Variants in CHPT1 observed in about 807,000 individuals in gnomAD.
CHPT1 encodes cholinephosphotransferase 1.
In CHPT1, 36 loss-of-function variants were observed where a neutral mutation model predicts 47.6. That is an observed-to-expected ratio of 0.76 (90% confidence interval 0.58 to 1.00). The LOEUF is 1.00. Among genes scored for constraint, CHPT1 ranks in the 50% least tolerant of loss-of-function variants. The pLI is 0.00. For missense variants in CHPT1, 458 were observed against 498.1 expected (o/e 0.92, Z 0.77); for synonymous variants, 194 against 186.3 (o/e 1.04, Z -0.33).
chr12:101,728,917 CAA>C lies in CHPT1; in HGVS notation c.1195_1196del (p.Lys399GlufsTer5). The C allele has an allele frequency of 1.2e-6, 2 of 1,613,424 alleles. No homozygotes were observed. Among genetic ancestry groups the C allele is most frequent in the Non-Finnish European group, 8.5e-7 (1 of 1,179,658 alleles). ...ATTACTTAGGTTCAAGTTCTTTCTT[CAA>C]AGAGTCATCAGAATAACATGGATTG... On this transcript the variant is annotated frameshift_variant, in exon 9 of 9. Coordinates refer to ENST00000229266, the MANE Select transcript of CHPT1 (RefSeq NM_020244.3). LOFTEE classifies it high-confidence loss of function.
chr12:101,716,907 G>T (rs924129742), intron 4 of CHPT1, 95 bp downstream of exon 4: 38 of 703,336 alleles, frequency 5.4e-5, no homozygotes, highest in South Asian at 9.7e-5. Flanking sequence ...CCTTGGCATT[G>T]TATTTAATTT....
intron 4 of CHPT1, chr12:101,719,634 GATGC>G: frequency 1.8e-6 from 1 of 555,420 alleles, no homozygotes. Context: ...CCTTTCCTGT[GATGC>G]TACTTTTTAG....
Position 101,723,726 on chromosome 12 carries a change from C to A in CHPT1, c.944C>A (p.Ala315Asp). ...TTTTGTTTAATTTTTTTATAGGTAG[C>A]TCACATGACCAAAAGTGAACTATAT... is the stretch of plus-strand genomic sequence containing the variant. ...FAKVSQKLVV[A>D]HMTKSELYLQ... Residue 315 changes from alanine to aspartate, a missense_variant, in exon 7 of 9, where the codon GCT (alanine) becomes GAT (aspartate). Physicochemically the swap from Ala to Asp is moderately radical, Grantham distance 126. Transcript: ENST00000229266. The A allele has an allele frequency of 6.5e-7, 1 of 1,541,614 alleles. No homozygotes were observed. Among genetic ancestry groups the A allele is most frequent in the Non-Finnish European group, 8.8e-7 (1 of 1,142,546 alleles).
chr12:101,702,719 T>A (rs1171848101), intron 1 of CHPT1, among the ~76,000 whole-genome samples: 1 of 152,108 alleles, frequency 6.6e-6, no homozygotes, highest in Non-Finnish European at 1.5e-5. Context: ...CCACTTTTTT[T>A]AAACCAGCTC....
At chr12:101,715,417 G>C (rs1431624499) in intron 3 of CHPT1, among the ~76,000 whole-genome samples, 1 of 152,086 alleles carries the variant, frequency 6.6e-6, no homozygotes, top group East Asian at 1.9e-4. Flanking sequence ...TTAAAACTAT[G>C]GATCATTTAG....
intron 3 of CHPT1, chr12:101,714,891 T>A: frequency 3.1e-6 from 1 of 320,724 alleles, no homozygotes. Flanking sequence ...TAGCCCAAGT[T>A]TACAATAGAG....
chr12:101,723,853 T>C lies in CHPT1; in HGVS notation c.1065+6T>C, dbSNP rs752828705. On this transcript the variant is annotated splice_donor_region_variant and intron_variant, in intron 7 of 8. Coordinates refer to ENST00000229266, the MANE Select transcript of CHPT1 (RefSeq NM_020244.3). ...TTGTTCTATGGATGGCAATGGTAAG[T>C]ATTTTTCTCCATTTTATTTATTTTT... 2 of 1,492,276 alleles carry C rather than the reference T, an allele frequency of 1.3e-6. No individual in the cohort carries two copies. The highest frequency in any genetic ancestry group is 2.3e-5 in the East Asian group (1 of 43,864). 92.4% of individuals were successfully genotyped at this position (1,492,276 alleles called of 1,614,324 possible).
At chr12:101,728,694 T>A (rs1254396279) in intron 8 of CHPT1, 1 of 543,872 alleles carries the variant, frequency 1.8e-6, no homozygotes, top group Admixed American at 3.5e-5. Flanking sequence ...GAGAGAAAAA[T>A]TCACTATCAT....
chr12:101,724,623 A>G (rs555474658), intron 7 of CHPT1, among the ~76,000 whole-genome samples: 2 of 152,316 alleles, frequency 1.3e-5, no homozygotes, highest in South Asian at 4.1e-4. Flanking sequence ...ATTTTATGCT[A>G]GATGTAAGGA....
intron 8 of CHPT1, chr12:101,727,150 G>T (rs1951967285): frequency 2.0e-5 from 3 of 151,748 alleles, no homozygotes; most frequent in African/African-American, 7.3e-5. Flanking sequence ...AATGAAAACA[G>T]TAGCTAAGAG....
Position 101,720,210 on chromosome 12 carries a change from G to A in CHPT1, c.736G>A (p.Val246Ile). The A allele has an allele frequency of 6.2e-7, 1 of 1,604,412 alleles. No individual in the cohort carries two copies. Among genetic ancestry groups the A allele is most frequent in the Non-Finnish European group, 8.5e-7 (1 of 1,175,612 alleles). Reference sequence around the variant, plus strand: ...ATTTTCCTGTTCAAATTATTTCCATGTTATCCTCCATGGTGGTGTTGGCAA... The same window carrying A: ...ATTTTCCTGTTCAAATTATTTCCATATTATCCTCCATGGTGGTGTTGGCAA... The part of the protein sequence containing the change: ...VIFSCSNYFH[V>I]ILHGGVGKNG... The change falls in exon 5 of 9, where the codon GTT becomes ATT. Residue 246 changes from valine (V) to isoleucine (I), a missense_variant. Transcript: ENST00000229266.
rs1566043065 is a variant in CHPT1 at position 101,722,721 on chromosome 12, AAAAAAG to A, written c.781-442_781-437del. 4.6e-5 allele frequency among the ~76,000 whole-genome samples: 7 copies of A among 151,526 alleles called. No individual in the cohort carries two copies. In the South Asian group the frequency reaches 1.5e-3, roughly 32 times the overall value. Reference sequence around the variant, plus strand: ...ACACAAAAAATTAAAAAAAAAAAAAAAAAAAGAAAATAGGAAAAAAGAAGGAAACCT... The same window carrying A: ...ACACAAAAAATTAAAAAAAAAAAAAAAAAATAGGAAAAAAGAAGGAAACCT... On this transcript the variant is annotated intron_variant, in intron 5 of 8. Coordinates refer to ENST00000229266, the MANE Select transcript of CHPT1 (RefSeq NM_020244.3).
Position 101,726,524 on chromosome 12 carries a change from T to C in CHPT1, c.1176+120T>C, listed in dbSNP as rs985720175. On this transcript the variant is annotated intron_variant, in intron 8 of 8. Transcript: ENST00000229266. ...CTAGTATACCATCAATAAGGTTATA[T>C]TTGAATATAAAACATAAACCCTGTA... The C allele has an allele frequency of 2.2e-6, 3 of 1,348,512 alleles. No individual in the cohort carries two copies. In the African/African-American group the frequency reaches 4.4e-5, roughly 20 times the overall value. 83.5% of individuals were successfully genotyped at this position (1,348,512 alleles called of 1,614,324 possible). A position where few individuals can be genotyped will look rare whatever the true frequency, so the allele number is the denominator to read the frequency against.
intron 7 of CHPT1, 45 bp downstream of exon 7, chr12:101,723,892 G>T (rs1302861981): frequency 3.6e-6 from 5 of 1,389,274 alleles, no homozygotes; most frequent in Non-Finnish European, 5.0e-6. Flanking sequence ...CAATGCTTAA[G>T]AGCTATTTCA....
intron 1 of CHPT1, among the ~76,000 whole-genome samples, chr12:101,713,669 A>G (rs1383702903): frequency 7.2e-6 from 1 of 138,132 alleles, no homozygotes; most frequent in Non-Finnish European, 1.7e-5. Context: ...CTTTCTAGTT[A>G]TATAAGGTGG....
At position 101,697,978 on chromosome 12, in the gene CHPT1, C is replaced by G. The variant is rs529547854; in HGVS notation, c.117C>G (p.Val39=). 2 of 1,514,946 alleles carry G rather than the reference C, an allele frequency of 1.3e-6. No homozygotes were observed. The highest frequency in any genetic ancestry group is 1.8e-6 in the Non-Finnish European group (2 of 1,142,756). 93.8% of individuals were successfully genotyped at this position (1,514,946 alleles called of 1,614,324 possible). The change falls in exon 1 of 9, where the codon GTC becomes GTG. Residue 39 remains valine, a synonymous_variant. Coordinates refer to ENST00000229266, the MANE Select transcript of CHPT1 (RefSeq NM_020244.3). Reference sequence around the variant, plus strand: ...AGCACCGCTACAGCGCGGCGGGCGTCTCGCTGCTCGAGCCGCCGCTGCAGC... The same window carrying G: ...AGCACCGCTACAGCGCGGCGGGCGTGTCGCTGCTCGAGCCGCCGCTGCAGC... The part of the protein sequence containing the change: ...LEEHRYSAAG[V]SLLEPPLQLY...
At chr12:101,718,674 A>G (rs1050126486) in intron 4 of CHPT1, among the ~76,000 whole-genome samples, 1 of 152,030 alleles carries the variant, frequency 6.6e-6, no homozygotes, top group Non-Finnish European at 1.5e-5. Context: ...TAAAAAAAAA[A>G]AAAAAAAAGA....
rs1208001687 is a variant in CHPT1, at chr12:101,708,661, G to T, written c.274-5429G>T. On this transcript the variant is annotated intron_variant, in intron 1 of 8. Coordinates refer to ENST00000229266, the MANE Select transcript of CHPT1 (RefSeq NM_020244.3). ...CTCACTCTGTTGCCCCAGCTGGAGT[G>T]CAGTGGCTCACTTCAACCTCTGCCT... is the stretch of plus-strand genomic sequence containing the variant. Among the ~76,000 whole-genome samples, 8 of 123,628 alleles carry T rather than the reference G, an allele frequency of 6.5e-5. 2 individuals are homozygous for T. The highest frequency in any genetic ancestry group is 2.5e-4 in the East Asian group (1 of 3,962). The allele number at this position is 123,628 out of a possible 152,430, so 81.1% of individuals were successfully genotyped here.
chr12:101,726,678 A>C, intron 8 of CHPT1: 1 of 423,354 alleles, frequency 2.4e-6, no homozygotes, highest in Non-Finnish European at 4.1e-6. Context: ...TGAGGACAAC[A>C]GTGAACCCCT....
Sources: allele counts gnomAD v4.1 joint callset (sites outside exome capture counted in the v4.1 genomes callset), GRCh38; gene constraint gnomAD v4.1.1; transcripts MANE v1.5; gene names NCBI Gene and HGNC (gene_info 2026-07-23, HGNC 2026-07-21).